The following DYNC2I2 variants were observed in gnomAD, a reference collection of about 807,000 sequenced individuals.
DYNC2I2 encodes the protein dynein 2 intermediate chain 2.
DYNC2I2 carries 39 observed loss-of-function variants against 52.0 expected under a neutral mutation model. The observed-to-expected ratio is 0.75, with a 90% confidence interval of 0.58 to 0.98. The LOEUF (loss-of-function observed/expected upper bound fraction) is 0.98. DYNC2I2 is among the 50% of genes least tolerant of loss of function. The probability of loss-of-function intolerance (pLI) is 0.00; values close to 1 mark genes in which losing one functional copy is unlikely to be tolerated. For synonymous variants in DYNC2I2, 359 were observed against 321.1 expected (o/e 1.12, Z -1.26); for missense variants, 743 against 728.4 (o/e 1.02, Z -0.23).
chr9:128,683,408 AG>A, the DYNC2I2 span: 1 of 213,100 alleles, frequency 4.7e-6, no homozygotes, highest in African/African-American at 2.3e-5. Context: ...GAAACCGGGC[AG>A]TGGGGGTGTG....
chr9:128,666,986 G>A, the DYNC2I2 span, among the ~76,000 whole-genome samples: 4 of 151,952 alleles, frequency 2.6e-5, 1 homozygote, highest in East Asian at 7.8e-4. Flanking sequence ...GGATCACGAG[G>A]TCAGGAATTC....
intron 4 of DYNC2I2, 56 bp from the exon 5 acceptor site, chr9:128,635,823 T>C (rs920710738): frequency 1.3e-6 from 2 of 1,515,584 alleles, no homozygotes; most frequent in Non-Finnish European, 1.8e-6. Flanking sequence ...CCTGACTTCC[T>C]GGCCAAACAC....
intron 1 of DYNC2I2, among the ~76,000 whole-genome samples, chr9:128,654,021 AAAAAAC>A (rs1253335614): frequency 6.6e-6 from 1 of 152,200 alleles, no homozygotes; most frequent in Non-Finnish European, 1.5e-5. Flanking sequence ...AAAAGAAAAC[AAAAAAC>A]AAAAACAAAA....
intron 1 of DYNC2I2, among the ~76,000 whole-genome samples, chr9:128,641,585 A>G (rs1264426065): frequency 6.6e-6 from 1 of 152,246 alleles, no homozygotes; most frequent in South Asian, 2.1e-4. Flanking sequence ...TCTTACAGAC[A>G]TGCCCAATCT....
At chr9:128,648,551 C>G (rs1055160693) in intron 1 of DYNC2I2, among the ~76,000 whole-genome samples, 37 of 149,346 alleles carry the variant, frequency 2.5e-4, no homozygotes, top group African/African-American at 8.6e-4. Flanking sequence ...TTTGGGAGGC[C>G]GAGGCAGGCA....
the DYNC2I2 span, among the ~76,000 whole-genome samples, chr9:128,666,255 G>A: frequency 6.6e-5 from 10 of 151,400 alleles, no homozygotes; most frequent in South Asian, 4.2e-4. Flanking sequence ...GGTGGTGGGC[G>A]CCTGTAATTC....
chr9:128,643,093 G>A (rs1860548453), intron 1 of DYNC2I2, among the ~76,000 whole-genome samples: 2 of 151,966 alleles, frequency 1.3e-5, no homozygotes, highest in Admixed American at 1.3e-4. Flanking sequence ...AAATGTCGTG[G>A]AGGAAAATCC....
the DYNC2I2 span, among the ~76,000 whole-genome samples, chr9:128,667,169 A>C: frequency 6.6e-6 from 1 of 151,842 alleles, no homozygotes; most frequent in Admixed American, 6.6e-5. Context: ...ATTGCACTCC[A>C]GCCTGGGCAA....
intron 1 of DYNC2I2, among the ~76,000 whole-genome samples, chr9:128,646,212 GTT>G (rs912140434): frequency 1.3e-5 from 2 of 152,104 alleles, no homozygotes; most frequent in African/African-American, 4.8e-5. Context: ...TTTTGTTGTT[GTT>G]TTTTTGTTTT....
the DYNC2I2 span, among the ~76,000 whole-genome samples, chr9:128,678,622 C>T: frequency 3.3e-5 from 5 of 151,046 alleles, no homozygotes; most frequent in South Asian, 8.3e-4. Context: ...CCACCACGCC[C>T]GCTTAATTTT....
At chr9:128,635,501 G>T in intron 5 of DYNC2I2, 157 bp downstream of exon 5, 1 of 800,512 alleles carries the variant, frequency 1.2e-6, no homozygotes, top group Non-Finnish European at 2.0e-6. Context: ...GGCCCTGGGA[G>T]TGGCTCCTGA....
upstream of DYNC2I2, among the ~76,000 whole-genome samples, chr9:128,660,955 C>T (rs1313403577): frequency 6.6e-6 from 1 of 151,364 alleles, no homozygotes; most frequent in Non-Finnish European, 1.5e-5. Flanking sequence ...GTCTCGAACT[C>T]CTGACCTCAG....
intron 1 of DYNC2I2, among the ~76,000 whole-genome samples, chr9:128,648,631 C>CAA (rs71381783): frequency 0.025 from 3,034 of 121,278 alleles, 61 homozygotes; most frequent in Middle Eastern, 0.037. Flanking sequence ...ACTAAAAATA[C>CAA]AAAAAAAAAA....
Position 128,656,625 on chromosome 9 carries a change from C to A in DYNC2I2, c.102G>T (p.Arg34=). 1 of 1,498,134 alleles carries A rather than the reference C, an allele frequency of 6.7e-7. No individual in the cohort carries two copies. Among genetic ancestry groups the A allele is most frequent in the Non-Finnish European group, 8.8e-7 (1 of 1,131,490 alleles). The allele number at this position is 1,498,134 out of a possible 1,614,324, so 92.8% of individuals were successfully genotyped here. Residue 34 remains arginine, a synonymous_variant, in exon 1 of 9, where the codon CGG becomes CGT. Coordinates refer to ENST00000372715, the MANE Select transcript of DYNC2I2 (RefSeq NM_052844.4). The part of the protein sequence containing the change: ...VGVASGPGPG[R]PGPLQDETLG... ...GGGTCTCGTCCTGCAGCGGCCCTGGCCGCCCCGGCCCCGGGCCGCTCGCAA... is the reference window on the plus strand; with the variant it reads ...GGGTCTCGTCCTGCAGCGGCCCTGGACGCCCCGGCCCCGGGCCGCTCGCAA...
intron 3 of DYNC2I2, 32 bp from the exon 4 acceptor site, chr9:128,636,470 CCCTGGGTGG>C: frequency 6.4e-7 from 1 of 1,573,614 alleles, no homozygotes; most frequent in Non-Finnish European, 8.6e-7. Context: ...CCGGCTGTGC[CCCTGGGTGG>C]GGCTCCTATC....
chr9:128,678,763 G>C, the DYNC2I2 span, among the ~76,000 whole-genome samples: 2 of 150,456 alleles, frequency 1.3e-5, no homozygotes, highest in Non-Finnish European at 3.0e-5. Context: ...AGCCTGGCCA[G>C]GTAATCTTAT....
Position 128,654,336 on chromosome 9 carries a change from G to A in DYNC2I2, c.186+2205C>T, listed in dbSNP as rs775972586. 9.2e-5 allele frequency among the ~76,000 whole-genome samples: 14 copies of A among 152,282 alleles called. No individual in the cohort carries two copies. The South Asian group carries it at 2.7e-3, about 29-fold the overall frequency. ...TCTGCAGGTTCATGCAGCAAGCTAA[G>A]CCTCAGTATTCTCTTCTGGGACGTG... On this transcript the variant is annotated intron_variant, in intron 1 of 8. Coordinates refer to ENST00000372715, the MANE Select transcript of DYNC2I2 (RefSeq NM_052844.4).
the DYNC2I2 span, among the ~76,000 whole-genome samples, chr9:128,671,800 C>T: frequency 4.7e-5 from 7 of 150,250 alleles, no homozygotes; most frequent in East Asian, 3.9e-4. Context: ...TACAGGTGCC[C>T]GCCACCATGC....
chr9:128,674,959 C>T, the DYNC2I2 span, among the ~76,000 whole-genome samples: 24 of 152,154 alleles, frequency 1.6e-4, no homozygotes, highest in African/African-American at 5.8e-4. Context: ...GGTAGAGAAA[C>T]TCTACCGGGA....
Sources: gnomAD v4.1 joint callset for allele counts (sites outside exome capture counted in the v4.1 genomes callset) on GRCh38, gnomAD v4.1.1 for gene constraint, MANE v1.5 for transcripts, NCBI Gene and HGNC (gene_info 2026-07-23, HGNC 2026-07-21) for gene names.